DPYS: variants seen among roughly 807,000 people sequenced by gnomAD.
DPYS encodes dihydropyrimidine amidohydrolase.
Under a neutral mutation model 50.3 loss-of-function variants are expected in DPYS, and 39 were observed. That is an observed-to-expected ratio of 0.78 (90% CI 0.60 to 1.01). DPYS has a LOEUF of 1.01. Ranked by LOEUF, DPYS falls within the 50% of genes least tolerant of loss-of-function variation. The probability of loss-of-function intolerance (pLI) is 0.00; values close to 1 mark genes in which losing one functional copy is unlikely to be tolerated. For synonymous variants in DPYS, 245 were observed against 250.7 expected (o/e 0.98, Z 0.22); for missense variants, 659 against 680.9 (o/e 0.97, Z 0.36).
At chr8:104,407,949 C>T (rs1206776946) in intron 7 of DPYS, among the ~76,000 whole-genome samples, 1 of 143,144 alleles carries the variant, frequency 7.0e-6, no homozygotes, top group South Asian at 2.3e-4. Flanking sequence ...TGGCTTAAGA[C>T]AGGAAGAAAA....
At chr8:104,455,130 T>TA (rs1355901442) in intron 1 of DPYS, among the ~76,000 whole-genome samples, 1 of 151,866 alleles carries the variant, frequency 6.6e-6, no homozygotes, top group Non-Finnish European at 1.5e-5. Context: ...TCCCAGAACT[T>TA]AAAGTAAAAT....
At chr8:104,397,436 TA>T (rs1811632632) in intron 7 of DPYS, among the ~76,000 whole-genome samples, 1 of 152,200 alleles carries the variant, frequency 6.6e-6, no homozygotes, top group African/African-American at 2.4e-5. Context: ...CAGGTTGGTT[TA>T]AATTCCTGCC....
chr8:104,445,844 G>C (rs1813509127), intron 3 of DPYS, among the ~76,000 whole-genome samples: 1 of 152,192 alleles, frequency 6.6e-6, no homozygotes, highest in Non-Finnish European at 1.5e-5. Flanking sequence ...AGGAGATCGA[G>C]ACCATCCTGG....
At chr8:104,417,246 A>T (rs931674300) in intron 7 of DPYS, among the ~76,000 whole-genome samples, 1 of 152,232 alleles carries the variant, frequency 6.6e-6, no homozygotes, top group African/African-American at 2.4e-5. Context: ...GATATCCTGT[A>T]GCTCATAAAT....
At chr8:104,422,168 C>T (rs1412674466) in intron 7 of DPYS, among the ~76,000 whole-genome samples, 5 of 152,166 alleles carry the variant, frequency 3.3e-5, no homozygotes, top group Admixed American at 6.5e-5. Flanking sequence ...AGAAGAAGCA[C>T]ATCAAATGGC....
chr8:104,387,481 C>A (rs146073856), intron 8 of DPYS, among the ~76,000 whole-genome samples: 1 of 151,936 alleles, frequency 6.6e-6, no homozygotes, highest in Non-Finnish European at 1.5e-5. Context: ...ACTGAGGGAG[C>A]GATATCATAA....
chr8:104,381,081 C>T (rs1284318661), intron 9 of DPYS, 103 bp downstream of exon 9: 5 of 951,628 alleles, frequency 5.3e-6, no homozygotes, highest in East Asian at 2.4e-5. Flanking sequence ...AGTCTTGGAT[C>T]ACTGTGAAGC....
At chr8:104,413,116 A>C (rs1325983811) in intron 7 of DPYS, among the ~76,000 whole-genome samples, 1 of 152,212 alleles carries the variant, frequency 6.6e-6, no homozygotes, top group East Asian at 1.9e-4. Flanking sequence ...TGTCTGAAAT[A>C]GTGAAAAATT....
rs751840809 is a variant in DPYS at position 104,466,820 on chromosome 8, G to C, written c.101C>G (p.Ala34Gly). The C allele has an allele frequency of 6.5e-7, 1 of 1,533,626 alleles. No homozygotes were observed. The highest frequency in any genetic ancestry group is 8.7e-7 in the Non-Finnish European group (1 of 1,145,492). The change falls in exon 1 of 10, where the codon GCA becomes GGA. Residue 34 changes from alanine to glycine, a missense_variant. Ala to Gly is a moderately conservative substitution (Grantham distance 60). Coordinates refer to ENST00000351513, the MANE Select transcript of DPYS (RefSeq NM_001385.3). ...GGGAGGCAGCAGGTCGTGCCCGAGT[G>C]CCCGCACCACGCCGTCCTCCACCAG... ...DVLVEDGVVRALGHDLLPPGG... is the reference protein window; with the variant it reads ...DVLVEDGVVRGLGHDLLPPGG...
At position 104,429,590 on chromosome 8, in the gene DPYS, C is replaced by A. The variant is rs200913682; in HGVS notation, c.905G>T (p.Arg302Leu). Residue 302 changes from arginine (R) to leucine (L), a missense_variant, in exon 5 of 10, where the codon CGA (arginine) becomes CTA (leucine). Arg to Leu is a moderately radical substitution (Grantham distance 102, BLOSUM62 -2). Transcript: ENST00000351513. ...AAHHVMGPPL[R>L]PDPSTPDFLM... ...GAAGTCGGGTGTTGAGGGGTCTGGT[C>A]GCAAAGGTGGACCCATGACATGGTG... 5.0e-6 allele frequency: 8 copies of A among 1,614,088 alleles called. No homozygotes were observed. Among genetic ancestry groups the A allele is most frequent in the East Asian group, 2.2e-5 (1 of 44,868 alleles).
intron 1 of DPYS, among the ~76,000 whole-genome samples, chr8:104,455,851 CAATTTT>C (rs1813905129): frequency 6.6e-6 from 1 of 152,048 alleles, no homozygotes; most frequent in Non-Finnish European, 1.5e-5. Flanking sequence ...TCCCCTACTT[CAATTTT>C]ATTTTCAATA....
At chr8:104,462,643 C>A (rs1413026063) in intron 1 of DPYS, among the ~76,000 whole-genome samples, 4 of 152,226 alleles carry the variant, frequency 2.6e-5, no homozygotes, top group African/African-American at 4.8e-5. Context: ...TCCACCCACT[C>A]TGACCTGCAT....
intron 1 of DPYS, among the ~76,000 whole-genome samples, chr8:104,452,130 T>C (rs933638387): frequency 4.6e-5 from 7 of 152,250 alleles, no homozygotes; most frequent in African/African-American, 1.2e-4. Flanking sequence ...GGAATCTTCA[T>C]AACATGGTCT....
chr8:104,392,695 A>AAC, intron 8 of DPYS, 89 bp downstream of exon 8: 1 of 1,508,476 alleles, frequency 6.6e-7, no homozygotes, highest in Non-Finnish European at 9.2e-7. Flanking sequence ...GTGATGTGTC[A>AAC]ACACCACTAC....
In DPYS at chr8:104,427,996, A is replaced by G. The variant is rs776339868; in HGVS notation, c.1076T>C (p.Ile359Thr). 1.2e-6 allele frequency: 2 copies of G among 1,614,180 alleles called. No homozygotes were observed. Among genetic ancestry groups the G allele is most frequent in the South Asian group, 2.2e-5 (2 of 91,082 alleles). Residue 359 changes from isoleucine to threonine, a missense_variant, in exon 6 of 10, where the codon ATA becomes ACA. Transcript: ENST00000351513. ...GAAACCCACCACGCCTTTTTCCCAT[A>G]TTACGGACATCCGATCTTCAACACC... ...VNGVEDRMSV[I>T]WEKGVHSGKM... is the part of the protein sequence containing the mutation.
chr8:104,421,391 T>G (rs1812535876), intron 7 of DPYS: 1 of 152,126 alleles, frequency 6.6e-6, no homozygotes, highest in African/African-American at 2.4e-5. Context: ...CCCAGCACTT[T>G]GGGAGGCCGA....
chr8:104,406,977 T>A (rs1812017662), intron 7 of DPYS, among the ~76,000 whole-genome samples: 1 of 152,212 alleles, frequency 6.6e-6, no homozygotes, highest in Admixed American at 6.5e-5. Context: ...TTCACTTCAT[T>A]TTTCTTACAT....
At chr8:104,389,268 T>A (rs1811312042) in intron 8 of DPYS, among the ~76,000 whole-genome samples, 2 of 152,214 alleles carry the variant, frequency 1.3e-5, no homozygotes, top group African/African-American at 4.8e-5. Flanking sequence ...CACAAAGAAA[T>A]CTGAATATTT....
chr8:104,456,267 CCTG>C (rs1013579579), intron 1 of DPYS, among the ~76,000 whole-genome samples: 1 of 152,106 alleles, frequency 6.6e-6, no homozygotes, highest in African/African-American at 2.4e-5. Context: ...AGAATGTATT[CCTG>C]CTATTAAGTG....
Sources: gnomAD v4.1 joint callset for allele counts (sites outside exome capture counted in the v4.1 genomes callset) on GRCh38, gnomAD v4.1.1 for gene constraint, MANE v1.5 for transcripts, NCBI Gene and HGNC (gene_info 2026-07-23, HGNC 2026-07-21) for gene names.